FOXP1: variants seen among roughly 807,000 people sequenced by gnomAD.
FOXP1 encodes the protein forkhead box protein P1.
FOXP1 carries 15 observed loss-of-function variants against 98.2 expected under a neutral mutation model. The ratio of observed to expected loss-of-function variants is 0.15; its 90% CI spans 0.10 to 0.24. FOXP1 has a LOEUF of 0.24. Among genes scored for constraint, FOXP1 ranks in the 10% least tolerant of loss-of-function variants. The pLI is 1.00. For missense variants in FOXP1, 633 were observed against 848.5 expected (o/e 0.75, Z 3.15); for synonymous variants, 371 against 314.5 (o/e 1.18, Z -1.90).
intron 2 of FOXP1, among the ~76,000 whole-genome samples, chr3:71,539,146 C>A (rs1257844703): frequency 4.0e-5 from 6 of 148,884 alleles, no homozygotes; most frequent in Admixed American, 1.3e-4. Flanking sequence ...GGGTCTCGCT[C>A]TGTCGCCCAG....
At chr3:71,112,368 A>G (rs2058015813) in intron 7 of FOXP1, among the ~76,000 whole-genome samples, 168 bp downstream of exon 7, 1 of 152,200 alleles carries the variant, frequency 6.6e-6, no homozygotes, top group Non-Finnish European at 1.5e-5. Context: ...CTTTTGGTCA[A>G]ATACACATTT....
At chr3:71,417,885 T>C in intron 3 of FOXP1, among the ~76,000 whole-genome samples, 1 of 152,090 alleles carries the variant, frequency 6.6e-6, no homozygotes, top group East Asian at 1.9e-4. Context: ...GCAGTACTGT[T>C]TAGAAAAACT....
intron 5 of FOXP1, among the ~76,000 whole-genome samples, chr3:71,232,352 G>A (rs960262018): frequency 2.0e-5 from 3 of 152,136 alleles, no homozygotes; most frequent in Non-Finnish European, 2.9e-5. Context: ...AAAAAGTACT[G>A]TGATCAATTA....
At position 70,957,163 on chromosome 3, in the gene FOXP1, T is replaced by C. The variant is rs944862922; in HGVS notation, c.*2084A>G. 4.5e-6 allele frequency: 1 copy of C among 223,496 alleles called. No individual in the cohort carries two copies. Among genetic ancestry groups the C allele is most frequent in the Admixed American group, 5.7e-5 (1 of 17,492 alleles). 13.8% of individuals were successfully genotyped at this position (223,496 alleles called of 1,614,324 possible). A position where few individuals can be genotyped will look rare whatever the true frequency, so the allele number is the denominator to read the frequency against. ...GCAGTGGCATACATTCATTTTTTTT[T>C]TGAGATGGGACTCCCTTCCTTCTGT... On this transcript the variant is annotated 3_prime_UTR_variant, in exon 21 of 21. Coordinates refer to ENST00000649528, the MANE Select transcript of FOXP1 (RefSeq NM_001349338.3).
intron 5 of FOXP1, among the ~76,000 whole-genome samples, chr3:71,281,901 G>A (rs570312738): frequency 6.6e-5 from 10 of 150,952 alleles, no homozygotes; most frequent in South Asian, 2.1e-4. Context: ...GTTCAAGACC[G>A]GCCTGGCCAA....
intron 13 of FOXP1, among the ~76,000 whole-genome samples, chr3:70,991,716 G>A (rs908137435): frequency 6.6e-6 from 1 of 152,194 alleles, no homozygotes; most frequent in Non-Finnish European, 1.5e-5. Flanking sequence ...AGAGGTAAAG[G>A]CTACTGTGGC....
intron 7 of FOXP1, among the ~76,000 whole-genome samples, chr3:71,103,560 C>T (rs555348603): frequency 3.9e-5 from 6 of 152,090 alleles, no homozygotes; most frequent in Non-Finnish European, 7.3e-5. Context: ...TGGTATTGCA[C>T]CAAATGCTGT....
chr3:71,344,681 A>G (rs1033618033), intron 4 of FOXP1, among the ~76,000 whole-genome samples: 1 of 152,102 alleles, frequency 6.6e-6, no homozygotes, highest in Non-Finnish European at 1.5e-5. Flanking sequence ...CACTAAAAAT[A>G]CAAAAAAATT....
intron 3 of FOXP1, among the ~76,000 whole-genome samples, chr3:71,436,059 A>G (rs892057228): frequency 3.3e-5 from 5 of 151,846 alleles, no homozygotes; most frequent in Non-Finnish European, 5.9e-5. Context: ...ATACCCTGTT[A>G]TGTCACAACT....
intron 3 of FOXP1, among the ~76,000 whole-genome samples, chr3:71,432,412 C>T (rs970855568): frequency 6.6e-6 from 1 of 152,196 alleles, no homozygotes; most frequent in Non-Finnish European, 1.5e-5. Context: ...TTGCACCCCT[C>T]CCTACATTCA....
chr3:71,015,449 A>G, intron 12 of FOXP1, 100 bp downstream of exon 12: 1 of 731,510 alleles, frequency 1.4e-6, no homozygotes, highest in Non-Finnish European at 2.5e-6. Flanking sequence ...CAAAGGGGTG[A>G]GGTGAAACTC....
At chr3:71,513,715 GGGCCTGGAGGATAAA>G (rs2042364512) in intron 2 of FOXP1, among the ~76,000 whole-genome samples, 2 of 152,148 alleles carry the variant, frequency 1.3e-5, no homozygotes, top group African/African-American at 4.8e-5. Flanking sequence ...ATCACTCTGA[GGGCCTGGAGGATAAA>G]GGCACTCAGG....
intron 11 of FOXP1, among the ~76,000 whole-genome samples, chr3:71,039,443 T>C (rs1484489815): frequency 6.6e-6 from 1 of 152,202 alleles, no homozygotes; most frequent in Admixed American, 6.5e-5. Flanking sequence ...TCCTTGCTAA[T>C]CTATCACCTG....
At chr3:71,213,505 C>T (rs1409397714) in intron 5 of FOXP1, among the ~76,000 whole-genome samples, 1 of 152,054 alleles carries the variant, frequency 6.6e-6, no homozygotes, top group East Asian at 1.9e-4. Flanking sequence ...CAATTTTTAC[C>T]ACCACACAAT....
At chr3:71,577,758 A>G (rs2047837590) in intron 2 of FOXP1, among the ~76,000 whole-genome samples, 1 of 152,086 alleles carries the variant, frequency 6.6e-6, no homozygotes, top group African/African-American at 2.4e-5. Context: ...TCAATGTTTG[A>G]TCACCTGGTG....
intron 4 of FOXP1, among the ~76,000 whole-genome samples, chr3:71,352,825 C>A (rs558974454): frequency 1.3e-5 from 2 of 152,264 alleles, no homozygotes; most frequent in East Asian, 1.9e-4. Flanking sequence ...CCACCTCTCC[C>A]TACTTTTTAA....
chr3:71,065,820 G>A (rs1284371844), intron 7 of FOXP1: 2 of 152,082 alleles, frequency 1.3e-5, no homozygotes, highest in Admixed American at 6.5e-5. Context: ...TCAGGCTATT[G>A]AAAGCTGAGT....
chr3:71,277,719 T>C (rs1227358871), intron 5 of FOXP1, among the ~76,000 whole-genome samples: 1 of 152,128 alleles, frequency 6.6e-6, no homozygotes, highest in Non-Finnish European at 1.5e-5. Context: ...AATCCTTACA[T>C]GTCTGACTCC....
chr3:71,475,309 A>T (rs1313382242), intron 3 of FOXP1, among the ~76,000 whole-genome samples: 5 of 152,210 alleles, frequency 3.3e-5, no homozygotes, highest in Non-Finnish European at 7.3e-5. Flanking sequence ...TCAGTGGAAG[A>T]AGGAGCAACT....
Sources: gnomAD v4.1 joint callset for allele counts (sites outside exome capture counted in the v4.1 genomes callset) on GRCh38, gnomAD v4.1.1 for gene constraint, MANE v1.5 for transcripts, NCBI Gene and HGNC (gene_info 2026-07-23, HGNC 2026-07-21) for gene names.